The following METAP1D variants were observed in gnomAD, a reference collection of about 807,000 sequenced individuals.
METAP1D encodes methionyl aminopeptidase type 1D, mitochondrial, also known as methionine aminopeptidase 1D, mitochondrial.
METAP1D carries 31 observed loss-of-function variants against 40.5 expected under a neutral mutation model. The ratio of observed to expected loss-of-function variants is 0.77; its 90% CI spans 0.58 to 1.03. The LOEUF (loss-of-function observed/expected upper bound fraction) is 1.03, where lower values mean the gene tolerates loss of function less well. Among genes scored for constraint, METAP1D ranks in the 50% least tolerant of loss-of-function variants. The pLI is 0.00. For missense variants in METAP1D, 411 were observed against 420.7 expected, an observed-to-expected ratio of 0.98 and a Z score of 0.20; for synonymous variants, 151 against 146.4, an observed-to-expected ratio of 1.03 and a Z score of -0.22.
Position 172,059,255 on chromosome 2 carries a change from C to G in METAP1D, c.41-2243C>G, listed in dbSNP as rs6725971. 5.7e-3 allele frequency among the ~76,000 whole-genome samples: 859 copies of G among 151,712 alleles called. 9 individuals are homozygous for G. Among genetic ancestry groups the G allele is most frequent in the African/African-American group, 0.02 (817 of 41,334 alleles). ...TCCCGAGTAGCTGGGATTACAGGCG[C>G]GCGCCACCATGCCCGGCTAATTTTT... On this transcript the variant is annotated intron_variant, in intron 1 of 9. Transcript: ENST00000315796.
intron 1 of METAP1D, among the ~76,000 whole-genome samples, chr2:172,029,396 A>G (rs1689190709): frequency 4.6e-5 from 7 of 152,188 alleles, no homozygotes; most frequent in Admixed American, 4.6e-4. Context: ...GCACTCCAGC[A>G]TAAGGGATAG....
At chr2:172,005,227 T>C (rs1688551112) in intron 1 of METAP1D, among the ~76,000 whole-genome samples, 1 of 152,062 alleles carries the variant, frequency 6.6e-6, no homozygotes, top group African/African-American at 2.4e-5. Flanking sequence ...ATGAATACTT[T>C]AGAAGTGAAT....
At chr2:172,038,003 T>C (rs2105428622) in intron 1 of METAP1D, among the ~76,000 whole-genome samples, 1 of 152,328 alleles carries the variant, frequency 6.6e-6, no homozygotes, top group East Asian at 1.9e-4. Context: ...TTCTCCTCTC[T>C]AGATTTTCCT....
At chr2:172,007,581 C>T (rs1363410949) in intron 1 of METAP1D, among the ~76,000 whole-genome samples, 1 of 152,128 alleles carries the variant, frequency 6.6e-6, no homozygotes, top group Non-Finnish European at 1.5e-5. Context: ...GTTCATGGTC[C>T]TGCATTGCCT....
intron 5 of METAP1D, among the ~76,000 whole-genome samples, chr2:172,069,771 C>T (rs1020636298): frequency 1.3e-5 from 2 of 152,262 alleles, no homozygotes; most frequent in East Asian, 3.9e-4. Flanking sequence ...CTGAATCTAC[C>T]TCTATATTCT....
intron 1 of METAP1D, among the ~76,000 whole-genome samples, chr2:172,046,019 G>T (rs1689757167): frequency 1.4e-5 from 2 of 143,732 alleles, no homozygotes; most frequent in South Asian, 2.3e-4. Context: ...AATCAAAAAA[G>T]TTTCAAAGAT....
intron 1 of METAP1D, among the ~76,000 whole-genome samples, chr2:172,031,989 C>T (rs768838014): frequency 3.9e-5 from 6 of 152,150 alleles, no homozygotes; most frequent in Non-Finnish European, 8.8e-5. Flanking sequence ...TGTAACGGTG[C>T]CCTGGGGCAC....
chr2:172,036,611 T>C (rs549501105), intron 1 of METAP1D, among the ~76,000 whole-genome samples: 29 of 151,886 alleles, frequency 1.9e-4, no homozygotes, highest in South Asian at 8.3e-4. Context: ...GTGATCCGCC[T>C]GTCTCGGCCT....
chr2:172,076,033 C>A (rs547021498), intron 6 of METAP1D, among the ~76,000 whole-genome samples: 1 of 152,076 alleles, frequency 6.6e-6, no homozygotes, highest in Admixed American at 6.6e-5. Flanking sequence ...TGCAGAGGAA[C>A]GAGAGGTATG....
intron 1 of METAP1D, among the ~76,000 whole-genome samples, chr2:172,007,456 C>A (rs1688613980): frequency 6.6e-6 from 1 of 152,038 alleles, no homozygotes; most frequent in Non-Finnish European, 1.5e-5. Flanking sequence ...CTGTTTGATT[C>A]TTTCAGGCTT....
chr2:172,051,205 G>A (rs906668648), intron 1 of METAP1D, among the ~76,000 whole-genome samples: 2 of 152,058 alleles, frequency 1.3e-5, no homozygotes, highest in Non-Finnish European at 2.9e-5. Context: ...TTATACTTGA[G>A]TTCTGACTAT....
At chr2:172,018,852 C>A (rs1240228436) in intron 1 of METAP1D, among the ~76,000 whole-genome samples, 1 of 151,180 alleles carries the variant, frequency 6.6e-6, no homozygotes, top group Non-Finnish European at 1.5e-5. Context: ...TTTTTGTTTT[C>A]CAGGATCCAA....
At position 172,077,907 on chromosome 2, in the gene METAP1D, A is replaced by G; in HGVS notation, c.802+13A>G. 7.0e-7 allele frequency: 1 copy of G among 1,427,156 alleles called. No individual in the cohort carries two copies. The highest frequency in any genetic ancestry group is 1.4e-5 in the African/African-American group (1 of 70,596). The allele number at this position is 1,427,156 out of a possible 1,614,324, so 88.4% of individuals were successfully genotyped here. On this transcript the variant is annotated intron_variant, in intron 7 of 9. Transcript: ENST00000315796. ...ATTTGGCATCATGGTAAGAAAGTTC[A>G]TTTGGAGGCTGTTTCTTGATCAGAG...
chr2:172,077,935 C>G, intron 7 of METAP1D, 41 bp downstream of exon 7: 1 of 1,110,028 alleles, frequency 9.0e-7, no homozygotes, highest in Non-Finnish European at 1.4e-6. Flanking sequence ...GATCAGAGAT[C>G]AAGATGTGGC....
chr2:172,045,815 G>GTA (rs1481007010), intron 1 of METAP1D, among the ~76,000 whole-genome samples: 454 of 24,098 alleles, frequency 0.019, 25 homozygotes, highest in Middle Eastern at 0.031. Context: ...GTGTGTGTGT[G>GTA]TGTGTATATA....
Position 172,081,305 on chromosome 2 carries a change from C to G in METAP1D, c.*899C>G, listed in dbSNP as rs1056146167. ...GTCTCTAAAATGACCCCTCCCCAGACTGGCCCTTCTCGCATCGGGACCCGC... is the reference window on the plus strand; with the variant it reads ...GTCTCTAAAATGACCCCTCCCCAGAGTGGCCCTTCTCGCATCGGGACCCGC... On this transcript the variant is annotated 3_prime_UTR_variant, in exon 10 of 10. Transcript: ENST00000315796. 1 of 152,478 alleles carries G rather than the reference C, an allele frequency of 6.6e-6. No individual in the cohort carries two copies. Among genetic ancestry groups the G allele is most frequent in the Non-Finnish European group, 1.5e-5 (1 of 68,218 alleles). 9.4% of individuals were successfully genotyped at this position (152,478 alleles called of 1,614,324 possible). A position where few individuals can be genotyped will look rare whatever the true frequency, so the allele number is the denominator to read the frequency against.
intron 6 of METAP1D, among the ~76,000 whole-genome samples, chr2:172,075,639 C>T (rs574138218): frequency 6.6e-6 from 1 of 152,264 alleles, no homozygotes; most frequent in African/African-American, 2.4e-5. Flanking sequence ...TTGTGCTCCC[C>T]ATTTATTCCA....
At position 172,042,329 on chromosome 2, in the gene METAP1D, G is replaced by A. The variant is rs1307008252; in HGVS notation, c.41-19169G>A. 9.9e-3 allele frequency among the ~76,000 whole-genome samples: 483 copies of A among 48,670 alleles called. 211 individuals are homozygous for A. The highest frequency in any genetic ancestry group is 0.028 in the Middle Eastern group (2 of 72). The allele number at this position is 48,670 out of a possible 152,430, so 31.9% of individuals were successfully genotyped here. ...TATATACATATATACATATGTATGT[G>A]TACATGTGTACATATATACATATAT... is the stretch of plus-strand genomic sequence containing the variant. On this transcript the variant is annotated intron_variant, in intron 1 of 9. Transcript: ENST00000315796.
intron 6 of METAP1D, among the ~76,000 whole-genome samples, chr2:172,073,557 A>G (rs956386807): frequency 6.6e-6 from 1 of 152,222 alleles, no homozygotes; most frequent in African/African-American, 2.4e-5. Flanking sequence ...GGAAAATAAC[A>G]GACAATGAAC....
Sources: allele counts gnomAD v4.1 joint callset (sites outside exome capture counted in the v4.1 genomes callset), GRCh38; gene constraint gnomAD v4.1.1; transcripts MANE v1.5; gene names NCBI Gene and HGNC (gene_info 2026-07-23, HGNC 2026-07-21).